Variants in KCNT1 observed in about 807,000 individuals in gnomAD.
KCNT1 encodes potassium sodium-activated channel subfamily T member 1.
Under a neutral mutation model 147.8 loss-of-function variants are expected in KCNT1, and 78 were observed. The observed-to-expected ratio is 0.53, with a 90% CI of 0.44 to 0.64. The LOEUF is 0.64. Among genes scored for constraint, KCNT1 ranks in the 30% least tolerant of loss-of-function variants. The probability of loss-of-function intolerance (pLI) is 0.00; values close to 1 mark genes in which losing one functional copy is unlikely to be tolerated. For synonymous variants in KCNT1, 867 were observed against 748.8 expected (o/e 1.16, Z -2.58); for missense variants, 1,419 against 1,750.3 (o/e 0.81, Z 3.38).
At chr9:135,766,492 G>T (rs1222686043) in intron 13 of KCNT1, among the ~76,000 whole-genome samples, 2 of 150,566 alleles carry the variant, frequency 1.3e-5, no homozygotes, top group Non-Finnish European at 3.0e-5. Context: ...ACCCTCTGGG[G>T]TTGTCTGGGG....
At chr9:135,702,597 C>T (rs961032378) in intron 1 of KCNT1, among the ~76,000 whole-genome samples, 4 of 152,168 alleles carry the variant, frequency 2.6e-5, no homozygotes, top group Non-Finnish European at 4.4e-5. Flanking sequence ...CCCATCTGTC[C>T]TCGACCTGGT....
Position 135,765,108 on chromosome 9 carries a change from G to A in KCNT1, c.1113G>A (p.Glu371=), listed in dbSNP as rs1217096141. ...GNYSRHRAQT[E]KHVVLCVSSL... is the part of the protein sequence containing the mutation. ...ACAGCCGCCACCGTGCGCAGACGGA[G>A]AAGCACGTGGTCCTGTGTGTCAGCT... Residue 371 remains glutamate (E), a synonymous_variant, in exon 12 of 31, where the codon GAG becomes GAA. Transcript: ENST00000371757. The A allele has an allele frequency of 1.9e-6, 3 of 1,613,444 alleles. No homozygotes were observed. Among genetic ancestry groups the A allele is most frequent in the Admixed American group, 3.3e-5 (2 of 60,006 alleles).
At chr9:135,729,687 G>A (rs1400951070) in intron 2 of KCNT1, among the ~76,000 whole-genome samples, 1 of 152,204 alleles carries the variant, frequency 6.6e-6, no homozygotes, top group Non-Finnish European at 1.5e-5. Flanking sequence ...CCTCTCTGTG[G>A]GTGGTTCAGC....
At chr9:135,773,190 TACACCCTTTCCA>T (rs1268506585) in intron 19 of KCNT1, among the ~76,000 whole-genome samples, 1 of 152,180 alleles carries the variant, frequency 6.6e-6, no homozygotes, top group Non-Finnish European at 1.5e-5. Context: ...TGTGCTGGGC[TACACCCTTTCCA>T]GTTGGGGCTG....
intron 13 of KCNT1, among the ~76,000 whole-genome samples, chr9:135,767,970 C>T (rs1410885416): frequency 2.0e-5 from 3 of 151,316 alleles, no homozygotes; most frequent in African/African-American, 7.3e-5. Context: ...TGCCCCCACC[C>T]GCTGTCAGCC....
rs576237414 is a variant in KCNT1 at position 135,784,451 on chromosome 9, T to C, written c.2944-84T>C. On this transcript the variant is annotated intron_variant, in intron 25 of 30. Coordinates refer to ENST00000371757, the MANE Select transcript of KCNT1 (RefSeq NM_020822.3). ...GTGGCCGGTGGGGTATGGACCTGTG[T>C]CCCACGCCCGTGCCCGCGTGCCTCA... 4 of 1,019,048 alleles carry C rather than the reference T, an allele frequency of 3.9e-6. No individual in the cohort carries two copies. The African/African-American group carries it at 4.8e-5, about 12-fold the overall frequency. 63.1% of individuals were successfully genotyped at this position (1,019,048 alleles called of 1,614,324 possible).
chr9:135,750,897 G>A, intron 3 of KCNT1, 45 bp from the exon 4 acceptor site: 1 of 1,578,680 alleles, frequency 6.3e-7, no homozygotes, highest in East Asian at 2.2e-5. Context: ...GCTCCCCGAA[G>A]CCCAGAGCTG....
intron 11 of KCNT1, among the ~76,000 whole-genome samples, chr9:135,760,659 G>A (rs148825902): frequency 3.3e-5 from 5 of 152,310 alleles, no homozygotes; most frequent in South Asian, 2.1e-4. Flanking sequence ...AGCAGTGGGC[G>A]TGGCCCAGGT....
rs543193105 is a variant in KCNT1 at position 135,767,992 on chromosome 9, G to A, written c.1338-618G>A. Among the ~76,000 whole-genome samples the A allele has an allele frequency of 2.6e-4, 39 of 149,304 alleles. 1 individual carries two copies. The East Asian group carries it at 7.0e-3, about 27-fold the overall frequency. Reference sequence around the variant, plus strand: ...ACCCGCTGTCAGCCTGCACACACTCGGGGGACAGGTGTGGCTCCTGACCCC... The same window carrying A: ...ACCCGCTGTCAGCCTGCACACACTCAGGGGACAGGTGTGGCTCCTGACCCC... On this transcript the variant is annotated intron_variant, in intron 13 of 30. Transcript: ENST00000371757.
At chr9:135,756,968 T>A in intron 7 of KCNT1, 36 bp downstream of exon 7, 1 of 852,558 alleles carries the variant, frequency 1.2e-6, no homozygotes, top group Non-Finnish European at 1.6e-6. Flanking sequence ...TCACAGGGGG[T>A]CCCCACCCTC....
At chr9:135,746,526 A>G (rs1271167226) in intron 2 of KCNT1, among the ~76,000 whole-genome samples, 2 of 152,228 alleles carry the variant, frequency 1.3e-5, no homozygotes, top group African/African-American at 4.8e-5. Flanking sequence ...GGCAATGGGC[A>G]GGGTTGCATC....
chr9:135,774,400 C>T (rs1427581701), intron 19 of KCNT1, among the ~76,000 whole-genome samples: 4 of 92,058 alleles, frequency 4.3e-5, no homozygotes, highest in African/African-American at 8.8e-5. Context: ...GTTGTGTGTC[C>T]GTGTGTGTGT....
chr9:135,741,714 A>G (rs13301643), intron 2 of KCNT1, among the ~76,000 whole-genome samples: 21,031 of 152,248 alleles, frequency 0.14, 1,631 homozygotes, highest in South Asian at 0.17. Flanking sequence ...GCGTAGGCCG[A>G]TGAGCGTGTG....
chr9:135,770,205 G>A, intron 16 of KCNT1, 93 bp from the exon 17 acceptor site: 1 of 1,473,410 alleles, frequency 6.8e-7, no homozygotes. Context: ...TCCATGCCAG[G>A]GGAAGCAGAG....
At chr9:135,753,717 C>T (rs1288139648) in intron 4 of KCNT1, 5 of 597,246 alleles carry the variant, frequency 8.4e-6, no homozygotes, top group Non-Finnish European at 1.5e-5. Context: ...GCCAGCCCAG[C>T]ATTCCTCAGT....
intron 1 of KCNT1, among the ~76,000 whole-genome samples, chr9:135,707,722 C>T (rs1036809010): frequency 6.6e-6 from 1 of 152,220 alleles, no homozygotes; most frequent in African/African-American, 2.4e-5. Flanking sequence ...ACCTTGGGCA[C>T]GGGTCCAGGG....
At chr9:135,733,741 G>A (rs911363354) in intron 2 of KCNT1, among the ~76,000 whole-genome samples, 13 of 148,564 alleles carry the variant, frequency 8.8e-5, no homozygotes, top group Non-Finnish European at 1.5e-4. Context: ...CTGCTGAGCC[G>A]GAGACCCAGA....
At position 135,770,894 on chromosome 9, in the gene KCNT1, A is replaced by G. The variant is rs1033154988; in HGVS notation, c.1807A>G (p.Asn603Asp). ...VCLIGLKRED[N>D]KSILLNPGPR... ...CCTCATCGGGCTGAAGCGGGAGGAC[A>G]ACAAGAGCATCCTGCTGAACCCGGG... Residue 603 changes from asparagine to aspartate, a missense_variant, in exon 18 of 31, where the codon AAC becomes GAC. Physicochemically the swap from Asn to Asp is conservative, Grantham distance 23. This residue lies in a region of KCNT1 where 284 missense variants were observed against 292.8 expected (regional missense o/e 0.97). Coordinates refer to ENST00000371757, the MANE Select transcript of KCNT1 (RefSeq NM_020822.3). 6.3e-6 allele frequency: 10 copies of G among 1,598,886 alleles called. No individual in the cohort carries two copies. Among genetic ancestry groups the G allele is most frequent in the Non-Finnish European group, 8.5e-6 (10 of 1,172,386 alleles).
chr9:135,720,140 AG>A (rs933279662), intron 2 of KCNT1, among the ~76,000 whole-genome samples: 1 of 151,870 alleles, frequency 6.6e-6, no homozygotes, highest in African/African-American at 2.4e-5. Context: ...GTGCAGAAGG[AG>A]GGGGCAGCCC....
Sources: gnomAD v4.1 joint callset for allele counts (sites outside exome capture counted in the v4.1 genomes callset) on GRCh38, gnomAD v4.1.1 for gene constraint, gnomAD v4.1.1 regional missense constraint, MANE v1.5 for transcripts, NCBI Gene and HGNC (gene_info 2026-07-23, HGNC 2026-07-21) for gene names.